The following HSP90AA1 variants were observed in gnomAD, a reference collection of about 807,000 sequenced individuals.
HSP90AA1 encodes the protein heat shock protein HSP 90-alpha.
HSP90AA1 carries 18 observed loss-of-function variants against 73.3 expected under a neutral mutation model. The ratio of observed to expected loss-of-function variants is 0.25; its 90% CI spans 0.17 to 0.36. The LOEUF is 0.36. HSP90AA1 is among the 10% of genes least tolerant of loss of function. The probability of loss-of-function intolerance (pLI) is 1.00; values close to 1 mark genes in which losing one functional copy is unlikely to be tolerated. For missense variants in HSP90AA1, 704 were observed against 874.2 expected (o/e 0.81, Z 2.45); for synonymous variants, 477 against 296.9 (o/e 1.61, Z -6.24).
intron 1 of HSP90AA1, among the ~76,000 whole-genome samples, chr14:102,115,505 C>T (rs2049695157): frequency 6.6e-6 from 1 of 152,084 alleles, no homozygotes; most frequent in African/African-American, 2.4e-5. Flanking sequence ...TTCTCTGTTG[C>T]GCTTGTAACA....
intron 1 of HSP90AA1, chr14:102,102,175 GCATGC>G (rs1471895961): frequency 2.9e-6 from 3 of 1,019,586 alleles, no homozygotes; most frequent in Non-Finnish European, 4.6e-6. Context: ...CCCCAAGCAG[GCATGC>G]CCTGGCTTCC....
intron 1 of HSP90AA1, among the ~76,000 whole-genome samples, chr14:102,138,632 T>A (rs778991935): frequency 2.0e-5 from 3 of 152,164 alleles, no homozygotes; most frequent in Non-Finnish European, 2.9e-5. Context: ...TGATTTACAC[T>A]CCTCCTACTT....
At position 102,100,196 on chromosome 14, in the gene HSP90AA1, A is replaced by G. The variant is rs539311688; in HGVS notation, c.366+1679T>C. Among the ~76,000 whole-genome samples the G allele has an allele frequency of 3.9e-5, 6 of 152,306 alleles. No homozygotes were observed. The South Asian group carries it at 1.0e-3, about 26-fold the overall frequency. On this transcript the variant is annotated intron_variant, in intron 2 of 11. Coordinates refer to the HSP90AA1 transcript ENST00000334701. ...GAGCAAAACTCTGTCTCGAAAAAAA[A>G]AGAACTATAAATATTCAAAACAATT...
rs758428069 is a variant in HSP90AA1 at position 102,082,980 on chromosome 14, A to C, written c.1755+54T>G. On this transcript the variant is annotated intron_variant, in intron 9 of 10. Coordinates refer to ENST00000216281, the MANE Select transcript of HSP90AA1 (RefSeq NM_005348.4). ...TGCGAAAATGGGCTATGTATGACTA[A>C]GCTTGAAAGCACCTTAGAAGTATCA... 1.2e-5 allele frequency: 19 copies of C among 1,564,956 alleles called. No individual in the cohort carries two copies. In the Admixed American group the frequency reaches 3.0e-4, roughly 25 times the overall value.
intron 2 of HSP90AA1, among the ~76,000 whole-genome samples, chr14:102,098,285 C>T (rs1285111972): frequency 6.6e-6 from 1 of 151,524 alleles, no homozygotes; most frequent in Non-Finnish European, 1.5e-5. Flanking sequence ...CCTCAGCCTC[C>T]CGAGTAGCTG....
Position 102,085,900 on chromosome 14 carries a change from A to G in HSP90AA1, c.387T>C (p.Ser129=). 1 of 1,613,868 alleles carries G rather than the reference A, an allele frequency of 6.2e-7. No individual in the cohort carries two copies. ...MEALQAGADI[S]MIGQFGVGFY... is the part of the protein sequence containing the mutation. ...AACCAACACCGAACTGGCCAATCAT[A>G]GAGATATCTGCACCAGCCTGCAAAG... The change falls in exon 3 of 11, where the codon TCT becomes TCC. Residue 129 remains serine, a synonymous_variant. Coordinates refer to ENST00000216281, the MANE Select transcript of HSP90AA1 (RefSeq NM_005348.4).
At chr14:102,111,827 T>C (rs2049646099) in intron 1 of HSP90AA1, among the ~76,000 whole-genome samples, 1 of 152,242 alleles carries the variant, frequency 6.6e-6, no homozygotes, top group South Asian at 2.1e-4. Context: ...GAGGCAAAGA[T>C]ACATCAAGAT....
intron 1 of HSP90AA1, among the ~76,000 whole-genome samples, chr14:102,136,657 G>A (rs2152628434): frequency 6.6e-6 from 1 of 151,562 alleles, no homozygotes; most frequent in Non-Finnish European, 1.5e-5. Context: ...GGAGGCCGAG[G>A]CTGGTGGATC....
upstream of HSP90AA1, among the ~76,000 whole-genome samples, chr14:102,088,384 C>G (rs144250673): frequency 1.4e-3 from 218 of 152,266 alleles, 2 homozygotes; most frequent in East Asian, 0.012. Flanking sequence ...AGCTCCTTGC[C>G]GTGTAAAGAA....
At position 102,080,926 on chromosome 14, in the gene HSP90AA1, G is replaced by A. The variant is rs1452055796; in HGVS notation, c.*786C>T. The A allele has an allele frequency of 4.4e-6, 1 of 228,284 alleles. No individual in the cohort carries two copies. Among genetic ancestry groups the A allele is most frequent in the African/African-American group, 2.2e-5 (1 of 45,020 alleles). The allele number at this position is 228,284 out of a possible 1,614,324, so 14.1% of individuals were successfully genotyped here. On this transcript the variant is annotated 3_prime_UTR_variant, in exon 11 of 11. Coordinates refer to ENST00000216281, the MANE Select transcript of HSP90AA1 (RefSeq NM_005348.4). ...GCTGAGTACATGCTGGGAAGACCAT[G>A]TCAACCCTTGGAGCAGCTAGTGTTT...
At chr14:102,129,532 T>C (rs2049881014) in intron 1 of HSP90AA1, among the ~76,000 whole-genome samples, 1 of 151,380 alleles carries the variant, frequency 6.6e-6, no homozygotes, top group Non-Finnish European at 1.5e-5. Flanking sequence ...AGTTGGAGTC[T>C]TGCTGTGTCG....
chr14:102,115,932 T>C (rs184656339), intron 1 of HSP90AA1, among the ~76,000 whole-genome samples: 1 of 152,066 alleles, frequency 6.6e-6, no homozygotes, highest in East Asian at 1.9e-4. Context: ...ATTTGTATTT[T>C]TCTTAAGTTT....
Position 102,128,423 on chromosome 14 carries a change from T to C in HSP90AA1, c.155+10827A>G, listed in dbSNP as rs567331010. Among the ~76,000 whole-genome samples, 5 of 151,980 alleles carry C rather than the reference T, an allele frequency of 3.3e-5. No individual in the cohort carries two copies. The South Asian group carries it at 6.2e-4, about 19-fold the overall frequency. Reference sequence around the variant, plus strand: ...TGGGTGGATCACCTGAGGTCAGGGGTTCGAGACCAGCCTGGCCAACATGAT... The same window carrying C: ...TGGGTGGATCACCTGAGGTCAGGGGCTCGAGACCAGCCTGGCCAACATGAT... On this transcript the variant is annotated intron_variant, in intron 1 of 11. Coordinates refer to the HSP90AA1 transcript ENST00000334701.
chr14:102,084,848 C>T lies in HSP90AA1; in HGVS notation c.814G>A (p.Gly272Ser), dbSNP rs763848747. The T allele has an allele frequency of 3.1e-6, 5 of 1,591,546 alleles. No individual in the cohort carries two copies. The Admixed American group carries it at 8.4e-5, about 27-fold the overall frequency. Residue 272 changes from glycine to serine, a missense_variant, in exon 5 of 11, where the codon GGT becomes AGT. Coordinates refer to ENST00000216281, the MANE Select transcript of HSP90AA1 (RefSeq NM_005348.4). Reference sequence around the variant, plus strand: ...ATCTTCTTCTTCTTCTTCTTGTCACCATCCTTCTTTTCTTCTTCCTCATCA... The same window carrying T: ...ATCTTCTTCTTCTTCTTCTTGTCACTATCCTTCTTTTCTTCTTCCTCATCA... Reference protein sequence around the residue: ...GSDEEEEKKDGDKKKKKKIKE... With the variant: ...GSDEEEEKKDSDKKKKKKIKE...
At chr14:102,136,618 T>C (rs1595685146) in intron 1 of HSP90AA1, among the ~76,000 whole-genome samples, 1 of 138,628 alleles carries the variant, frequency 7.2e-6, no homozygotes, top group South Asian at 2.4e-4. Flanking sequence ...CCGGGCGCGG[T>C]GGCTCACGCC....
At chr14:102,098,271 C>T (rs553886713) in intron 2 of HSP90AA1, among the ~76,000 whole-genome samples, 33 of 151,472 alleles carry the variant, frequency 2.2e-4, no homozygotes, top group Admixed American at 1.1e-3. Flanking sequence ...AAGCGATTCT[C>T]CTGCCTCAGC....
intron 2 of HSP90AA1, among the ~76,000 whole-genome samples, chr14:102,101,220 C>A (rs1466220069): frequency 1.3e-5 from 2 of 152,230 alleles, no homozygotes; most frequent in Non-Finnish European, 2.9e-5. Flanking sequence ...ATTAGCAGGG[C>A]TCCAGAAGGA....
At position 102,083,733 on chromosome 14, in the gene HSP90AA1, A is replaced by G. The variant is rs78419996; in HGVS notation, c.1339-40T>C. 6.5e-6 allele frequency: 3 copies of G among 464,852 alleles called. No homozygotes were observed. The African/African-American group carries it at 8.6e-5, about 13-fold the overall frequency. The allele number at this position is 464,852 out of a possible 1,614,324, so 28.8% of individuals were successfully genotyped here. On this transcript the variant is annotated intron_variant, in intron 7 of 10. Transcript: ENST00000216281. ...GTTCTTTACAAAGACTTTCTGAATT[A>G]AAAAAAAAAAAAAAAAACTAAAGAG...
rs2049212677 is a variant in HSP90AA1, at chr14:102,085,665, T to G, written c.529+93A>C. ...TTCCTGATCGTTGGGCAAACACAAA[T>G]TCTGTAAGCTTCACCGCATCCCCAG... On this transcript the variant is annotated intron_variant, in intron 3 of 10. Coordinates refer to ENST00000216281, the MANE Select transcript of HSP90AA1 (RefSeq NM_005348.4). The G allele has an allele frequency of 2.5e-6, 4 of 1,574,124 alleles. No individual in the cohort carries two copies. The East Asian group carries it at 8.9e-5, about 35-fold the overall frequency.
Sources: gnomAD v4.1 joint callset for allele counts (sites outside exome capture counted in the v4.1 genomes callset) on GRCh38, gnomAD v4.1.1 for gene constraint, MANE v1.5 for transcripts, NCBI Gene and HGNC (gene_info 2026-07-23, HGNC 2026-07-21) for gene names.